The following PIP5K1C variants were observed in gnomAD, a reference collection of about 807,000 sequenced individuals.
PIP5K1C encodes phosphatidylinositol 4-phosphate 5-kinase type-1 gamma.
A neutral mutation model predicts 80.1 loss-of-function variants in PIP5K1C; 45 were observed. That is an observed-to-expected ratio of 0.56 (90% CI 0.44 to 0.72). The LOEUF is 0.72. PIP5K1C is among the 30% of genes least tolerant of loss of function. PIP5K1C has a pLI of 0.00. For synonymous variants in PIP5K1C, 498 were observed against 420.1 expected (o/e 1.19, Z -2.27); for missense variants, 753 against 954.6 (o/e 0.79, Z 2.78).
intron 1 of PIP5K1C, among the ~76,000 whole-genome samples, chr19:3,674,451 C>T (rs2035299196): frequency 6.6e-6 from 1 of 150,698 alleles, no homozygotes; most frequent in Non-Finnish European, 1.5e-5. Context: ...CACTCGGGTT[C>T]AAGCGATTCT....
chr19:3,652,125 C>T, intron 7 of PIP5K1C, 94 bp from the exon 8 acceptor site: 2 of 1,198,772 alleles, frequency 1.7e-6, no homozygotes, highest in Admixed American at 1.9e-5. Flanking sequence ...CACGGATGGC[C>T]CCGTGGGCTC....
chr19:3,651,929 A>G lies in PIP5K1C; in HGVS notation c.1024T>C (p.Ser342Pro), dbSNP rs761287292. The G allele has an allele frequency of 1.9e-6, 3 of 1,612,818 alleles. No homozygotes were observed. Among genetic ancestry groups the G allele is most frequent in the Non-Finnish European group, 2.5e-6 (3 of 1,179,928 alleles). Residue 342 changes from serine to proline, a missense_variant, in exon 8 of 18, where the codon TCA becomes CCA. Physicochemically the swap from Ser to Pro is moderately conservative, Grantham distance 74 (BLOSUM62 -1). Coordinates refer to ENST00000335312, the MANE Select transcript of PIP5K1C (RefSeq NM_012398.3). ...TGGCCCACAGGCCGCTTCTCATCTG[A>G]GGTGCTCTGGGCGCCCTGCGCCTGC... Reference protein sequence around the residue: ...ERQAQGAQSTSDEKRPVGQKA... With the variant: ...ERQAQGAQSTPDEKRPVGQKA...
rs1321105231 is a variant in PIP5K1C, at chr19:3,692,390, C to T, written c.94+7907G>A. On this transcript the variant is annotated intron_variant, in intron 1 of 17. Coordinates refer to ENST00000335312, the MANE Select transcript of PIP5K1C (RefSeq NM_012398.3). The surrounding 1 kb of genome is among the most constrained non-coding windows in gnomAD (Gnocchi z 5.2). ...TCCCTCGCAGCTCGGCCATGCTGGG[C>T]CCCGGCGGCCCCCATGCTGCCCTTC... 6.6e-6 allele frequency among the ~76,000 whole-genome samples: 1 copy of T among 152,186 alleles called. No homozygotes were observed. The highest frequency in any genetic ancestry group is 1.5e-5 in the Non-Finnish European group (1 of 68,028).
intron 12 of PIP5K1C, 48 bp from the exon 13 acceptor site, chr19:3,643,429 AAC>A (rs1229295520): frequency 1.9e-6 from 3 of 1,608,978 alleles, no homozygotes; most frequent in South Asian, 2.2e-5. Context: ...CGAGCCCCCA[AAC>A]ACACAGTCGA....
At chr19:3,662,636 G>C (rs999273753) in intron 3 of PIP5K1C, among the ~76,000 whole-genome samples, 1 of 152,138 alleles carries the variant, frequency 6.6e-6, no homozygotes, top group Non-Finnish European at 1.5e-5. Context: ...CGCAATCTCA[G>C]CTCACTGCAA....
chr19:3,692,399 C>G lies in PIP5K1C; in HGVS notation c.94+7898G>C, dbSNP rs963783019. Among the ~76,000 whole-genome samples, 19 of 152,200 alleles carry G rather than the reference C, an allele frequency of 1.2e-4. No homozygotes were observed. Among genetic ancestry groups the G allele is most frequent in the Non-Finnish European group, 2.2e-4 (15 of 68,022 alleles). ...GCTCGGCCATGCTGGGCCCCGGCGG[C>G]CCCCATGCTGCCCTTCCTGCATCCA... is the stretch of plus-strand genomic sequence containing the variant. On this transcript the variant is annotated intron_variant, in intron 1 of 17. Transcript: ENST00000335312. The surrounding 1 kb of genome is among the most constrained non-coding windows in gnomAD (Gnocchi z 5.2).
rs73920197 is a variant in PIP5K1C, at chr19:3,644,543, T to C, written c.1346-292A>G. Among the ~76,000 whole-genome samples, 4,958 of 152,268 alleles carry C rather than the reference T, an allele frequency of 0.033. 158 individuals are homozygous for C. The highest frequency in any genetic ancestry group is 0.085 in the African/African-American group (3,516 of 41,558). Reference sequence around the variant, plus strand: ...CTGCAGACCAGTGACTCCCATCTAATGAGCTGGCCAGGGATGCCTGCAGGC... The same window carrying C: ...CTGCAGACCAGTGACTCCCATCTAACGAGCTGGCCAGGGATGCCTGCAGGC... On this transcript the variant is annotated intron_variant, in intron 11 of 17. Coordinates refer to ENST00000335312, the MANE Select transcript of PIP5K1C (RefSeq NM_012398.3).
At chr19:3,679,572 G>C (rs546463208) in intron 1 of PIP5K1C, among the ~76,000 whole-genome samples, 2 of 152,356 alleles carry the variant, frequency 1.3e-5, no homozygotes, top group African/African-American at 4.8e-5. Context: ...CTACTCAGTA[G>C]GGGCGCAGCA....
intron 10 of PIP5K1C, among the ~76,000 whole-genome samples, chr19:3,646,751 C>T (rs573075779): frequency 5.3e-5 from 8 of 152,308 alleles, no homozygotes; most frequent in South Asian, 2.1e-4. Flanking sequence ...ACCTTCTACA[C>T]GCTCTTTTGA....
chr19:3,663,793 CGCT>C (rs1481091807), intron 3 of PIP5K1C, among the ~76,000 whole-genome samples: 3 of 152,226 alleles, frequency 2.0e-5, no homozygotes, highest in African/African-American at 4.8e-5. Flanking sequence ...AAAACGGTAC[CGCT>C]GCTATGGAGA....
chr19:3,668,141 C>T (rs574153666), intron 1 of PIP5K1C, among the ~76,000 whole-genome samples: 10 of 152,080 alleles, frequency 6.6e-5, no homozygotes, highest in Admixed American at 2.0e-4. Context: ...ATTGAGCCAA[C>T]GAGCCCAGGC....
At chr19:3,666,992 C>A in intron 2 of PIP5K1C, among the ~76,000 whole-genome samples, 1 of 149,848 alleles carries the variant, frequency 6.7e-6, no homozygotes, top group African/African-American at 2.4e-5. Flanking sequence ...GCTGCTCTCT[C>A]CCCACCGCCC....
At chr19:3,673,348 C>T (rs1011996290) in intron 1 of PIP5K1C, among the ~76,000 whole-genome samples, 2 of 152,190 alleles carry the variant, frequency 1.3e-5, no homozygotes, top group Non-Finnish European at 2.9e-5. Flanking sequence ...CGATCCCCTC[C>T]TCACTGCCCG....
Position 3,637,704 on chromosome 19 carries a change from G to T in PIP5K1C, c.1920+1180C>A, listed in dbSNP as rs569316458. The stretch of plus-strand genomic sequence containing the variant: ...ACCCCCGTGGTCGGGTGGGAGAGGC[G>T]GAGGGAGGTGGCGGGGAGCAGGTGG... On this transcript the variant is annotated intron_variant, in intron 16 of 17. Transcript: ENST00000335312. The surrounding 1 kb of genome is among the most constrained non-coding windows in gnomAD (Gnocchi z 7.0). 3.3e-5 allele frequency: 50 copies of T among 1,510,860 alleles called. No homozygotes were observed. The South Asian group carries it at 5.9e-4, about 18-fold the overall frequency. 93.6% of individuals were successfully genotyped at this position (1,510,860 alleles called of 1,614,324 possible).
chr19:3,667,306 C>T lies in PIP5K1C; in HGVS notation c.126+16G>A, dbSNP rs547829289. Reference sequence around the variant, plus strand: ...GGGTGGGGACCCCAGGCCCTTCGTCCGCTCCAGACACTCACCTCTGTTGGG... The same window carrying T: ...GGGTGGGGACCCCAGGCCCTTCGTCTGCTCCAGACACTCACCTCTGTTGGG... On this transcript the variant is annotated intron_variant, in intron 2 of 17. Coordinates refer to ENST00000335312, the MANE Select transcript of PIP5K1C (RefSeq NM_012398.3). The T allele has an allele frequency of 4.3e-5, 69 of 1,611,842 alleles. No homozygotes were observed. The highest frequency in any genetic ancestry group is 2.9e-4 in the South Asian group (26 of 90,954).
At chr19:3,677,903 G>C (rs1243883400) in intron 1 of PIP5K1C, among the ~76,000 whole-genome samples, 1 of 104,184 alleles carries the variant, frequency 9.6e-6, no homozygotes, top group Non-Finnish European at 2.0e-5. Context: ...GGATGGAGGA[G>C]GGATGGAGGG....
chr19:3,683,669 G>A (rs913073922), intron 1 of PIP5K1C, among the ~76,000 whole-genome samples: 1 of 152,176 alleles, frequency 6.6e-6, no homozygotes, highest in African/African-American at 2.4e-5. Context: ...AGGATGTCAG[G>A]CCCCAGTCTG....
intron 4 of PIP5K1C, 103 bp from the exon 5 acceptor site, chr19:3,661,186 G>A (rs1002476463): frequency 2.9e-5 from 22 of 747,466 alleles, no homozygotes; most frequent in East Asian, 5.1e-5. Context: ...AGCCTCTAGC[G>A]GCTCAGCTCC....
rs1005580661 is a variant in PIP5K1C, at chr19:3,637,284, A to T, written c.1920+1600T>A. ...AGCAGACCCTGGGCCTCAGCTGTGC[A>T]CCTGGTGATGGTGCTGCCCTATGGA... On this transcript the variant is annotated intron_variant, in intron 16 of 17. Coordinates refer to ENST00000335312, the MANE Select transcript of PIP5K1C (RefSeq NM_012398.3). This position sits in a 1 kb window ranked among gnomAD's most constrained non-coding sequence, Gnocchi z 7.0. 6.7e-7 allele frequency: 1 copy of T among 1,488,666 alleles called. No individual in the cohort carries two copies. The highest frequency in any genetic ancestry group is 8.9e-7 in the Non-Finnish European group (1 of 1,121,628). 92.2% of individuals were successfully genotyped at this position (1,488,666 alleles called of 1,614,324 possible).
Sources: allele counts gnomAD v4.1 joint callset (sites outside exome capture counted in the v4.1 genomes callset), GRCh38; gene constraint gnomAD v4.1.1; non-coding constraint Gnocchi (gnomAD v3.1); transcripts MANE v1.5; gene names NCBI Gene and HGNC (gene_info 2026-07-23, HGNC 2026-07-21).